Variants in RAPGEF5 observed in about 807,000 individuals in gnomAD.
RAPGEF5 encodes the protein M-Ras-regulated GEF.
In RAPGEF5, 65 loss-of-function variants were observed where a neutral mutation model predicts 125.2. The ratio of observed to expected loss-of-function variants is 0.52; its 90% CI spans 0.43 to 0.64. The LOEUF (loss-of-function observed/expected upper bound fraction) is 0.64. Among genes scored for constraint, RAPGEF5 ranks in the 30% least tolerant of loss-of-function variants. The probability of loss-of-function intolerance (pLI) is 0.00; values close to 1 mark genes in which losing one functional copy is unlikely to be tolerated. For missense variants in RAPGEF5, 958 were observed against 1,048.1 expected, an observed-to-expected ratio of 0.91 and a Z score of 1.19; for synonymous variants, 391 against 385.9, an observed-to-expected ratio of 1.01 and a Z score of -0.16.
chr7:22,143,036 T>C (rs947414794), intron 20 of RAPGEF5, among the ~76,000 whole-genome samples: 1 of 152,214 alleles, frequency 6.6e-6, no homozygotes, highest in Non-Finnish European at 1.5e-5. Context: ...AGGATAGATA[T>C]AATCTTATAG....
chr7:22,336,677 G>A (rs938741527), intron 1 of RAPGEF5, among the ~76,000 whole-genome samples: 4 of 152,190 alleles, frequency 2.6e-5, no homozygotes, highest in Non-Finnish European at 4.4e-5. Flanking sequence ...GCCATTTGCA[G>A]TGGGGAGGAG....
At position 22,243,544 on chromosome 7, in the gene RAPGEF5, CT is replaced by C. The variant is rs564853166; in HGVS notation, c.797-12626del. On this transcript the variant is annotated intron_variant, in intron 7 of 25. Coordinates refer to ENST00000665637, the MANE Select transcript of RAPGEF5 (RefSeq NM_012294.5). The stretch of plus-strand genomic sequence containing the variant: ...GTGCTAGGATTACAGGCATGAGCCA[CT>C]GTGCTCAGCCAAAAAAAAATGCTGA... 5.2e-3 allele frequency among the ~76,000 whole-genome samples: 799 copies of C among 152,258 alleles called. 12 individuals are homozygous for C. Among genetic ancestry groups the C allele is most frequent in the African/African-American group, 0.019 (773 of 41,542 alleles).
intron 11 of RAPGEF5, among the ~76,000 whole-genome samples, chr7:22,169,851 C>G (rs1186440360): frequency 5.7e-4 from 1 of 1,742 alleles, no homozygotes; most frequent in African/African-American, 2.1e-3. Flanking sequence ...CAGAGCGAGA[C>G]TCTGTGTCAA....
chr7:22,300,361 G>A (rs910766933), intron 5 of RAPGEF5, among the ~76,000 whole-genome samples: 4 of 151,956 alleles, frequency 2.6e-5, no homozygotes, highest in Non-Finnish European at 5.9e-5. Flanking sequence ...TTTGAAACTT[G>A]TTTACCTAAT....
chr7:22,223,644 G>A (rs1330956971), intron 8 of RAPGEF5, among the ~76,000 whole-genome samples: 1 of 152,096 alleles, frequency 6.6e-6, no homozygotes, highest in Non-Finnish European at 1.5e-5. Context: ...GGAAAGAGAA[G>A]ATAAAGATCT....
At chr7:22,205,986 T>A (rs1785388058) in intron 9 of RAPGEF5, among the ~76,000 whole-genome samples, 1 of 152,158 alleles carries the variant, frequency 6.6e-6, no homozygotes, top group South Asian at 2.1e-4. Context: ...ACATATTCAA[T>A]CAGAGTGAAA....
chr7:22,215,951 T>C (rs185919868), intron 9 of RAPGEF5, among the ~76,000 whole-genome samples: 19 of 152,326 alleles, frequency 1.2e-4, no homozygotes, highest in African/African-American at 4.3e-4. Flanking sequence ...CATAGCTTTT[T>C]GGCAAAGGTG....
chr7:22,257,135 C>G (rs141126907), intron 7 of RAPGEF5, among the ~76,000 whole-genome samples: 193 of 152,156 alleles, frequency 1.3e-3, no homozygotes, highest in African/African-American at 4.5e-3. Flanking sequence ...CCACCTGTGC[C>G]CTAATTAACA....
intron 7 of RAPGEF5, among the ~76,000 whole-genome samples, chr7:22,242,068 G>A (rs1041473084): frequency 1.3e-5 from 2 of 152,206 alleles, no homozygotes; most frequent in Non-Finnish European, 2.9e-5. Flanking sequence ...GAAGAAGGGT[G>A]ACAAGGCAAC....
intron 24 of RAPGEF5, among the ~76,000 whole-genome samples, chr7:22,126,134 G>A (rs1434608425): frequency 6.6e-5 from 10 of 152,176 alleles, no homozygotes; most frequent in Admixed American, 6.5e-4. Context: ...GGGTGACAGA[G>A]TGAGACTCCG....
At chr7:22,324,711 C>T (rs929819515) in intron 1 of RAPGEF5, among the ~76,000 whole-genome samples, 1 of 152,108 alleles carries the variant, frequency 6.6e-6, no homozygotes, top group Admixed American at 6.6e-5. Flanking sequence ...AAAGCTGCAC[C>T]GCCCCTCCAT....
At chr7:22,186,130 G>T (rs1380114487) in intron 11 of RAPGEF5, among the ~76,000 whole-genome samples, 4 of 152,088 alleles carry the variant, frequency 2.6e-5, no homozygotes. Context: ...TCTTAAAGCT[G>T]AAAAAGACTA....
Position 22,118,792 on chromosome 7 carries a change from T to C in RAPGEF5, c.*3614A>G, listed in dbSNP as rs1027835682. On this transcript the variant is annotated 3_prime_UTR_variant, in exon 26 of 26. Transcript: ENST00000665637. The stretch of plus-strand genomic sequence containing the variant: ...TGATACGAATACAATAAATAGACTA[T>C]GCAAATAAATATTACTCTGCTAAAA... The C allele has an allele frequency of 1.5e-4, 23 of 152,598 alleles. 1 individual carries two copies. Among genetic ancestry groups the C allele is most frequent in the Admixed American group, 1.2e-3 (19 of 15,276 alleles). 9.5% of individuals were successfully genotyped at this position (152,598 alleles called of 1,614,324 possible).
chr7:22,158,441 G>T (rs1330305197), intron 14 of RAPGEF5, among the ~76,000 whole-genome samples: 1 of 151,952 alleles, frequency 6.6e-6, no homozygotes, highest in Non-Finnish European at 1.5e-5. Flanking sequence ...GCCAGTACTG[G>T]GGCCAATTTC....
chr7:22,301,614 CAA>C (rs35404390), intron 5 of RAPGEF5, among the ~76,000 whole-genome samples: 430 of 83,772 alleles, frequency 5.1e-3, no homozygotes, highest in African/African-American at 0.015. Flanking sequence ...GACTCTGTCT[CAA>C]AAAAAAAAAA....
At chr7:22,204,105 C>A (rs909407828) in intron 9 of RAPGEF5, among the ~76,000 whole-genome samples, 23 of 152,280 alleles carry the variant, frequency 1.5e-4, no homozygotes, top group African/African-American at 4.8e-4. Flanking sequence ...GAAGCCTTTA[C>A]AACTGAACAA....
chr7:22,167,400 A>T (rs1784204676), intron 11 of RAPGEF5, among the ~76,000 whole-genome samples: 1 of 152,258 alleles, frequency 6.6e-6, no homozygotes, highest in Non-Finnish European at 1.5e-5. Context: ...CAATTTTGTT[A>T]TCATCTTGTT....
At chr7:22,350,658 G>T (rs1784314261) in intron 1 of RAPGEF5, among the ~76,000 whole-genome samples, 1 of 152,116 alleles carries the variant, frequency 6.6e-6, no homozygotes, top group Non-Finnish European at 1.5e-5. Flanking sequence ...TCTTTTCCTG[G>T]GATCTAATTA....
chr7:22,335,329 C>T (rs1455804898), intron 1 of RAPGEF5, among the ~76,000 whole-genome samples: 2 of 152,322 alleles, frequency 1.3e-5, no homozygotes, highest in South Asian at 2.1e-4. Flanking sequence ...AGCCACAGTT[C>T]CCTGGACTTC....
Sources: allele counts gnomAD v4.1 joint callset (sites outside exome capture counted in the v4.1 genomes callset), GRCh38; gene constraint gnomAD v4.1.1; transcripts MANE v1.5; gene names NCBI Gene and HGNC (gene_info 2026-07-23, HGNC 2026-07-21).